MDFIC2: variants seen among roughly 807,000 people sequenced by gnomAD.
MDFIC2 encodes the protein MyoD family inhibitor domain containing 2, also known as myoD family inhibitor domain-containing protein 2.
chr3:70,207,973 C>A (rs756000193), intron 2 of MDFIC2, among the ~76,000 whole-genome samples: 1 of 151,944 alleles, frequency 6.6e-6, no homozygotes, highest in African/African-American at 2.4e-5. Flanking sequence ...CTAAGACAGG[C>A]GTGGACCTTG....
chr3:70,292,642 A>G (rs1702249727), intron 2 of MDFIC2, among the ~76,000 whole-genome samples: 1 of 152,098 alleles, frequency 6.6e-6, no homozygotes, highest in South Asian at 2.1e-4. Context: ...ATAACTATTT[A>G]AACTCCCTAA....
At chr3:70,216,338 C>T (rs1447098510) in intron 2 of MDFIC2, among the ~76,000 whole-genome samples, 1 of 150,708 alleles carries the variant, frequency 6.6e-6, no homozygotes, top group Admixed American at 6.6e-5. Context: ...TATATATAAA[C>T]TTGTAGTGCT....
At chr3:70,309,515 A>G (rs982671240) in intron 2 of MDFIC2, among the ~76,000 whole-genome samples, 5 of 152,186 alleles carry the variant, frequency 3.3e-5, no homozygotes, top group Non-Finnish European at 4.4e-5. Flanking sequence ...CAGCTAGGAA[A>G]TTGAGGCTCA....
chr3:70,264,702 G>A (rs981882559), intron 2 of MDFIC2, among the ~76,000 whole-genome samples: 5 of 152,208 alleles, frequency 3.3e-5, no homozygotes, highest in South Asian at 2.1e-4. Flanking sequence ...GGCAGATGCA[G>A]TCCCATAATA....
intron 2 of MDFIC2, among the ~76,000 whole-genome samples, chr3:70,252,199 G>A (rs1701775779): frequency 6.6e-6 from 1 of 152,170 alleles, no homozygotes; most frequent in Non-Finnish European, 1.5e-5. Context: ...TGGCAAAATT[G>A]AACAAAATGG....
intron 2 of MDFIC2, among the ~76,000 whole-genome samples, chr3:70,229,319 C>G (rs905544894): frequency 6.6e-6 from 1 of 152,122 alleles, no homozygotes; most frequent in African/African-American, 2.4e-5. Context: ...TAGGAATATT[C>G]TGTATTCAGA....
At chr3:70,278,346 G>A (rs1474068507) in intron 2 of MDFIC2, among the ~76,000 whole-genome samples, 1 of 152,172 alleles carries the variant, frequency 6.6e-6, no homozygotes, top group Admixed American at 6.5e-5. Context: ...CATTTAGGCT[G>A]TTCCCAGTAG....
Position 70,196,740 on chromosome 3 carries a change from G to A in MDFIC2, c.*186C>T, listed in dbSNP as rs1294827524. On this transcript the variant is annotated 3_prime_UTR_variant, in exon 4 of 4. Coordinates refer to ENST00000567252, the MANE Select transcript of MDFIC2 (RefSeq NM_001364677.1). The stretch of plus-strand genomic sequence containing the variant: ...ATTTTTCAGTGAGCCATGCGGTTGT[G>A]AAATTTGGAATAAGACCATTGAGTT... 6.6e-6 allele frequency among the ~76,000 whole-genome samples: 1 copy of A among 152,170 alleles called. No individual in the cohort carries two copies. Among genetic ancestry groups the A allele is most frequent in the Non-Finnish European group, 1.5e-5 (1 of 68,030 alleles).
intron 2 of MDFIC2, among the ~76,000 whole-genome samples, chr3:70,213,434 G>A (rs1265580383): frequency 3.9e-5 from 6 of 152,052 alleles, no homozygotes; most frequent in South Asian, 2.1e-4. Context: ...TATTTCAAAC[G>A]TATAGACCAT....
chr3:70,199,689 A>G (rs966942269), intron 3 of MDFIC2, among the ~76,000 whole-genome samples: 2 of 152,126 alleles, frequency 1.3e-5, no homozygotes, highest in Non-Finnish European at 1.5e-5. Context: ...TTCAGGGGAA[A>G]ATTTGCAACT....
intron 2 of MDFIC2, among the ~76,000 whole-genome samples, chr3:70,207,744 T>C (rs1701305952): frequency 6.6e-6 from 1 of 151,960 alleles, no homozygotes; most frequent in African/African-American, 2.4e-5. Flanking sequence ...AATCTAAAGG[T>C]CAAGTAAAGT....
chr3:70,256,820 T>C (rs1325379073), intron 2 of MDFIC2, among the ~76,000 whole-genome samples: 2 of 152,326 alleles, frequency 1.3e-5, no homozygotes, highest in African/African-American at 4.8e-5. Flanking sequence ...AATACTGGAA[T>C]GCAAAGTAGA....
chr3:70,202,318 G>A (rs1701247787), intron 3 of MDFIC2, among the ~76,000 whole-genome samples: 2 of 152,138 alleles, frequency 1.3e-5, no homozygotes, highest in African/African-American at 4.8e-5. Context: ...TCTGATAGTG[G>A]TTAGTGACTA....
At chr3:70,302,439 TAA>T (rs778669682) in intron 2 of MDFIC2, among the ~76,000 whole-genome samples, 15 of 151,782 alleles carry the variant, frequency 9.9e-5, no homozygotes, top group African/African-American at 2.7e-4. Flanking sequence ...GCATAAAACA[TAA>T]GAGACTTTTT....
chr3:70,295,582 A>G (rs1450908277), intron 2 of MDFIC2, among the ~76,000 whole-genome samples: 2 of 152,102 alleles, frequency 1.3e-5, no homozygotes, highest in Admixed American at 6.5e-5. Flanking sequence ...GCGCACCTGT[A>G]GTCCTATTCC....
At chr3:70,311,147 A>T (rs969061211) in intron 2 of MDFIC2, among the ~76,000 whole-genome samples, 31 of 152,202 alleles carry the variant, frequency 2.0e-4, no homozygotes, top group African/African-American at 7.5e-4. Context: ...AAGAATGTCA[A>T]CTACTTAAGT....
chr3:70,287,321 G>C (rs1055881980), intron 2 of MDFIC2, among the ~76,000 whole-genome samples: 8 of 145,384 alleles, frequency 5.5e-5, no homozygotes, highest in Admixed American at 2.0e-4. Flanking sequence ...ATAATCATGT[G>C]GTTTTTGTCT....
At position 70,228,137 on chromosome 3, in the gene MDFIC2, G is replaced by A. The variant is rs77458393; in HGVS notation, c.89-21347C>T. ...AGTTCAACATTTAAAAGTGAAGAAG[G>A]TGGTAAGAGTTGTCTTTACTGTCCT... On this transcript the variant is annotated intron_variant, in intron 2 of 3. Transcript: ENST00000567252. Among the ~76,000 whole-genome samples, 7 of 152,008 alleles carry A rather than the reference G, an allele frequency of 4.6e-5. No homozygotes were observed. In the East Asian group the frequency reaches 1.4e-3, roughly 29 times the overall value.
At chr3:70,273,163 C>T (rs1051372907) in intron 2 of MDFIC2, among the ~76,000 whole-genome samples, 3 of 152,114 alleles carry the variant, frequency 2.0e-5, no homozygotes, top group African/African-American at 7.2e-5. Flanking sequence ...AGATTCATCC[C>T]GGTGATCACT....
Sources: gnomAD v4.1 joint callset for allele counts (sites outside exome capture counted in the v4.1 genomes callset) on GRCh38, gnomAD v4.1.1 for gene constraint, MANE v1.5 for transcripts, NCBI Gene and HGNC (gene_info 2026-07-23, HGNC 2026-07-21) for gene names.